Variants in KLHL1 observed in about 807,000 individuals in gnomAD.
The protein encoded by KLHL1 is kelch like family member 1, also known as kelch-like protein 1.
A neutral mutation model predicts 77.7 loss-of-function variants in KLHL1; 47 were observed. That is an observed-to-expected ratio of 0.60 (90% CI 0.48 to 0.77). The LOEUF (loss-of-function observed/expected upper bound fraction) is 0.77, where lower values mean the gene tolerates loss of function less well. KLHL1 is among the 30% of genes least tolerant of loss of function. The pLI is 0.00. For synonymous variants in KLHL1, 360 were observed against 325.2 expected (o/e 1.11, Z -1.15); for missense variants, 925 against 910.8 (o/e 1.02, Z -0.20).
chr13:69,915,229 T>C, intron 4 of KLHL1, among the ~76,000 whole-genome samples: 1 of 152,110 alleles, frequency 6.6e-6, no homozygotes, highest in Non-Finnish European at 1.5e-5. Context: ...CTTCACAGAA[T>C]TGGAAAAAAC....
At chr13:69,939,404 G>A (rs542825511) in intron 4 of KLHL1, among the ~76,000 whole-genome samples, 19 of 113,482 alleles carry the variant, frequency 1.7e-4, no homozygotes, top group African/African-American at 6.1e-4. Context: ...CACACATACA[G>A]GGAATAAAAG....
intron 7 of KLHL1, among the ~76,000 whole-genome samples, chr13:69,786,657 G>A (rs980476816): frequency 6.6e-6 from 1 of 152,144 alleles, no homozygotes; most frequent in Non-Finnish European, 1.5e-5. Flanking sequence ...TTCTGGCCAG[G>A]TCAATTAGGC....
In KLHL1 at chr13:69,787,547, C is replaced by G. The variant is rs144957449; in HGVS notation, c.1639+9191G>C. 6.4e-3 allele frequency among the ~76,000 whole-genome samples: 967 copies of G among 152,212 alleles called. 9 individuals are homozygous for G. Among genetic ancestry groups the G allele is most frequent in the African/African-American group, 0.021 (877 of 41,532 alleles). On this transcript the variant is annotated intron_variant, in intron 7 of 10. Coordinates refer to ENST00000377844, the MANE Select transcript of KLHL1 (RefSeq NM_020866.3). ...AAGATTTACATGTTAGACCTAAAAC[C>G]ATAAAAACCCTAGAAGGAAACCTAG...
At chr13:69,710,871 C>T (rs1317797561) in intron 9 of KLHL1, among the ~76,000 whole-genome samples, 1 of 151,816 alleles carries the variant, frequency 6.6e-6, no homozygotes, top group Non-Finnish European at 1.5e-5. Context: ...GGCTGTCTGC[C>T]TTTCCTGCAT....
intron 5 of KLHL1, among the ~76,000 whole-genome samples, chr13:69,866,161 T>C (rs920964904): frequency 2.6e-5 from 4 of 152,142 alleles, no homozygotes; most frequent in Non-Finnish European, 5.9e-5. Context: ...ACAGCACTTA[T>C]GCTGAATTGC....
chr13:70,089,181 A>G (rs1015711821), intron 1 of KLHL1, among the ~76,000 whole-genome samples: 2 of 152,124 alleles, frequency 1.3e-5, no homozygotes, highest in African/African-American at 4.8e-5. Context: ...TACAGCTACA[A>G]TTGCTTCTCT....
At chr13:70,093,279 G>A (rs17086355) in intron 1 of KLHL1, among the ~76,000 whole-genome samples, 3 of 152,062 alleles carry the variant, frequency 2.0e-5, no homozygotes, top group Non-Finnish European at 4.4e-5. Context: ...TAGTGGAGTG[G>A]ACTTTGTCTT....
At chr13:69,761,061 C>A (rs919760261) in intron 7 of KLHL1, among the ~76,000 whole-genome samples, 1 of 152,102 alleles carries the variant, frequency 6.6e-6, no homozygotes, top group African/African-American at 2.4e-5. Context: ...CCAGGAAAAG[C>A]TTAACTTTAA....
At chr13:69,928,541 A>G (rs1032088896) in intron 4 of KLHL1, among the ~76,000 whole-genome samples, 4 of 152,210 alleles carry the variant, frequency 2.6e-5, no homozygotes, top group African/African-American at 9.6e-5. Flanking sequence ...TCAACCGATG[A>G]ATGGATAAAT....
chr13:70,011,359 A>G (rs1343844868), intron 1 of KLHL1, among the ~76,000 whole-genome samples: 5 of 152,216 alleles, frequency 3.3e-5, no homozygotes, highest in Admixed American at 6.5e-5. Flanking sequence ...TATGATTAAT[A>G]TAGAAAGTTT....
chr13:69,955,100 ATAATGTAC>A (rs1235663805), intron 3 of KLHL1, among the ~76,000 whole-genome samples: 1 of 151,242 alleles, frequency 6.6e-6, no homozygotes, highest in Non-Finnish European at 1.5e-5. Context: ...TTTAAAACTA[ATAATGTAC>A]TAATGTGCTT....
chr13:69,753,393 C>T (rs574172417), intron 7 of KLHL1, among the ~76,000 whole-genome samples: 25 of 152,224 alleles, frequency 1.6e-4, no homozygotes, highest in African/African-American at 5.8e-4. Context: ...AACTTTCATT[C>T]GTTTAACCTG....
intron 1 of KLHL1, among the ~76,000 whole-genome samples, chr13:70,041,686 CT>C (rs1886383158): frequency 6.6e-6 from 1 of 152,114 alleles, no homozygotes; most frequent in Admixed American, 6.5e-5. Flanking sequence ...ACTAGTGCCA[CT>C]TTGACACTAC....
intron 3 of KLHL1, among the ~76,000 whole-genome samples, chr13:69,948,871 G>A (rs1175344862): frequency 6.6e-6 from 1 of 151,792 alleles, no homozygotes; most frequent in Non-Finnish European, 1.5e-5. Flanking sequence ...TGCAAAAACT[G>A]CCTATAAAAT....
intron 1 of KLHL1, among the ~76,000 whole-genome samples, chr13:70,025,529 T>G (rs1029359702): frequency 1.3e-5 from 2 of 151,922 alleles, no homozygotes; most frequent in African/African-American, 4.8e-5. Context: ...TCTAGGGTAA[T>G]TGATTATGTT....
chr13:70,038,554 C>G (rs1020314225), intron 1 of KLHL1, among the ~76,000 whole-genome samples: 1 of 124,296 alleles, frequency 8.0e-6, no homozygotes, highest in Admixed American at 7.8e-5. Context: ...TTTTTCACAT[C>G]TTTGCCAGCA....
intron 2 of KLHL1, among the ~76,000 whole-genome samples, chr13:69,968,811 C>T (rs9529661): frequency 0.61 from 93,050 of 151,744 alleles, 28,591 homozygotes; most frequent in South Asian, 0.65. Flanking sequence ...CTTAATCGAG[C>T]CTATCATTGT....
At chr13:70,083,323 A>C (rs1310081725) in intron 1 of KLHL1, among the ~76,000 whole-genome samples, 1 of 152,198 alleles carries the variant, frequency 6.6e-6, no homozygotes, top group East Asian at 1.9e-4. Flanking sequence ...ACCAGAGTCA[A>C]ATGCATGTTC....
At chr13:69,856,011 T>G in intron 5 of KLHL1, among the ~76,000 whole-genome samples, 1 of 149,504 alleles carries the variant, frequency 6.7e-6, no homozygotes, top group Non-Finnish European at 1.5e-5. Flanking sequence ...TTATTGCTAT[T>G]ACTTTCTGTT....
Sources: gnomAD v4.1 joint callset for allele counts (sites outside exome capture counted in the v4.1 genomes callset) on GRCh38, gnomAD v4.1.1 for gene constraint, MANE v1.5 for transcripts, NCBI Gene and HGNC (gene_info 2026-07-23, HGNC 2026-07-21) for gene names.